Variants in TNKS observed in about 807,000 individuals in gnomAD.
TNKS encodes the protein tankyrase, also known as poly [ADP-ribose] polymerase tankyrase-1.
In TNKS, 72 loss-of-function variants were observed where a neutral mutation model predicts 135.8. That is an observed-to-expected ratio of 0.53 (90% CI 0.44 to 0.64). TNKS has a LOEUF of 0.64. Ranked by LOEUF, TNKS falls within the 30% of genes least tolerant of loss-of-function variation. The probability of loss-of-function intolerance (pLI) is 0.00; values close to 1 mark genes in which losing one functional copy is unlikely to be tolerated. For synonymous variants in TNKS, 849 were observed against 649.3 expected (o/e 1.31, Z -4.68); for missense variants, 1,769 against 1,674.0 (o/e 1.06, Z -0.99).
chr8:9,675,177 C>T (rs1417148628), intron 3 of TNKS, among the ~76,000 whole-genome samples: 1 of 152,120 alleles, frequency 6.6e-6, no homozygotes, highest in Non-Finnish European at 1.5e-5. Flanking sequence ...CTTCCACAGC[C>T]ACATAGCTGG....
intron 3 of TNKS, among the ~76,000 whole-genome samples, chr8:9,652,266 C>A (rs549327806): frequency 3.9e-5 from 6 of 152,222 alleles, no homozygotes; most frequent in African/African-American, 1.2e-4. Flanking sequence ...ATATTTACTC[C>A]TGGTAAGGTT....
rs572314335 is a variant in TNKS at position 9,704,665 on chromosome 8, G to C, written c.1110G>C (p.Ser370=). The change falls in exon 6 of 27, where the codon TCG becomes TCC. Residue 370 remains serine (S), a splice_region_variant and synonymous_variant. Transcript: ENST00000310430. The part of the protein sequence containing the change: ...VNCHASDGRK[S]TPLHLAAGYN... Reference sequence around the variant, plus strand: ...AAGGGGATGTTTTTCTTTTCTAGTCGACTCCTTTACATCTAGCAGCGGGCT... The same window carrying C: ...AAGGGGATGTTTTTCTTTTCTAGTCCACTCCTTTACATCTAGCAGCGGGCT... The C allele has an allele frequency of 8.7e-6, 14 of 1,610,916 alleles. No homozygotes were observed. The highest frequency in any genetic ancestry group is 1.0e-5 in the Non-Finnish European group (12 of 1,178,080).
intron 2 of TNKS, among the ~76,000 whole-genome samples, chr8:9,599,612 G>T (rs903988698): frequency 6.6e-6 from 1 of 152,128 alleles, no homozygotes; most frequent in African/African-American, 2.4e-5. Context: ...TCCAGTATCT[G>T]CCTTATCTTG....
chr8:9,733,130 A>G (rs1429260998), intron 14 of TNKS, 149 bp from the exon 15 acceptor site: 2 of 555,408 alleles, frequency 3.6e-6, no homozygotes, highest in Non-Finnish European at 5.8e-6. Flanking sequence ...ATGGATAACT[A>G]TATCTTAAAG....
At chr8:9,647,736 A>T (rs934604596) in intron 3 of TNKS, among the ~76,000 whole-genome samples, 4 of 152,178 alleles carry the variant, frequency 2.6e-5, no homozygotes, top group African/African-American at 9.7e-5. Flanking sequence ...ATTTCTGGGA[A>T]TGCTCTGCGT....
chr8:9,661,626 A>G (rs1801716105), intron 3 of TNKS, among the ~76,000 whole-genome samples: 1 of 152,224 alleles, frequency 6.6e-6, no homozygotes, highest in South Asian at 2.1e-4. Context: ...AAAACCATAA[A>G]AACCCTAGAA....
At chr8:9,710,447 C>A in intron 11 of TNKS, 1 of 586,150 alleles carries the variant, frequency 1.7e-6, no homozygotes, top group Non-Finnish European at 3.0e-6. Context: ...TGTAAAGCAA[C>A]AAAATATAGC....
At position 9,556,584 on chromosome 8, in the gene TNKS, G is replaced by C; in HGVS notation, c.645G>C (p.Arg215=). Residue 215 remains arginine (R), a synonymous_variant, in exon 1 of 27, where the codon CGG becomes CGC. Coordinates refer to ENST00000310430, the MANE Select transcript of TNKS (RefSeq NM_003747.3). ...TAAATGCAAAGGACATGGCCGGCCG[G>C]AAGTCTTCTCCCCTGCACTTCGCTG... ...ANVNAKDMAG[R]KSSPLHFAAG... 6.2e-7 allele frequency: 1 copy of C among 1,613,840 alleles called. No individual in the cohort carries two copies. The highest frequency in any genetic ancestry group is 8.5e-7 in the Non-Finnish European group (1 of 1,180,034).
At chr8:9,693,414 A>T (rs1394966104) in intron 5 of TNKS, among the ~76,000 whole-genome samples, 2 of 152,228 alleles carry the variant, frequency 1.3e-5, no homozygotes, top group Non-Finnish European at 2.9e-5. Context: ...ATCATTGTGC[A>T]ACTGTAAATA....
chr8:9,587,346 T>C (rs994486729), intron 2 of TNKS, among the ~76,000 whole-genome samples: 5 of 151,062 alleles, frequency 3.3e-5, no homozygotes, highest in Non-Finnish European at 5.9e-5. Flanking sequence ...GGCAAGGAAG[T>C]AGGTTTTCAT....
At chr8:9,703,477 C>G (rs1185242239) in intron 5 of TNKS, among the ~76,000 whole-genome samples, 1 of 152,196 alleles carries the variant, frequency 6.6e-6, no homozygotes, top group Non-Finnish European at 1.5e-5. Context: ...ATGACTTCCA[C>G]TGGGTTGCAT....
At chr8:9,611,847 G>A (rs920015976) in intron 2 of TNKS, among the ~76,000 whole-genome samples, 7 of 152,178 alleles carry the variant, frequency 4.6e-5, no homozygotes, top group African/African-American at 1.7e-4. Flanking sequence ...AACCTTCAGT[G>A]CTCCTGGTCT....
chr8:9,725,873 T>G (rs1805135888), intron 12 of TNKS, among the ~76,000 whole-genome samples: 1 of 152,250 alleles, frequency 6.6e-6, no homozygotes, highest in African/African-American at 2.4e-5. Context: ...TTAATCAAAA[T>G]AATAACTCAT....
chr8:9,718,259 C>A lies in TNKS; in HGVS notation c.1750-2115C>A, dbSNP rs184067135. Among the ~76,000 whole-genome samples the A allele has an allele frequency of 1.1e-4, 16 of 152,148 alleles. No individual in the cohort carries two copies. In the East Asian group the frequency reaches 1.5e-3, roughly 15 times the overall value. On this transcript the variant is annotated intron_variant, in intron 11 of 26. Transcript: ENST00000310430. ...TAAAGAGTACAGACTGTTTTCAACT[C>A]TCGGCTTACTTGAAATCAGCTTTTA...
At chr8:9,583,884 G>A (rs769540956) in intron 2 of TNKS, among the ~76,000 whole-genome samples, 6 of 151,086 alleles carry the variant, frequency 4.0e-5, no homozygotes. Flanking sequence ...TCTGGGAGTC[G>A]GAGGGTGCGG....
At chr8:9,583,419 T>C (rs1798246293) in intron 2 of TNKS, among the ~76,000 whole-genome samples, 1 of 152,184 alleles carries the variant, frequency 6.6e-6, no homozygotes, top group African/African-American at 2.4e-5. Flanking sequence ...TTATTTATCT[T>C]TGCTTCTCCC....
At chr8:9,772,385 C>G (rs1169840249) in intron 26 of TNKS, 1 of 455,390 alleles carries the variant, frequency 2.2e-6, no homozygotes, top group East Asian at 7.0e-5. Flanking sequence ...ACTCTAAAGG[C>G]ACGACATCTC....
rs1803298185 is a variant in TNKS at position 9,692,007 on chromosome 8, T to G, written c.1107+11207T>G. On this transcript the variant is annotated intron_variant, in intron 5 of 26. Coordinates refer to ENST00000310430, the MANE Select transcript of TNKS (RefSeq NM_003747.3). ...AAATTTGGTTGCATCCTACATGTCT[T>G]TTTTTTCTATCTTGTTCCTCCTGTC... Among the ~76,000 whole-genome samples, 3 of 152,160 alleles carry G rather than the reference T, an allele frequency of 2.0e-5. No individual in the cohort carries two copies. The South Asian group carries it at 6.2e-4, about 32-fold the overall frequency.
At chr8:9,637,309 T>A (rs1203299824) in intron 3 of TNKS, among the ~76,000 whole-genome samples, 1 of 152,224 alleles carries the variant, frequency 6.6e-6, no homozygotes, top group African/African-American at 2.4e-5. Context: ...CGATACAGAC[T>A]GGTTCTGTGT....
Sources: gnomAD v4.1 joint callset for allele counts (sites outside exome capture counted in the v4.1 genomes callset) on GRCh38, gnomAD v4.1.1 for gene constraint, MANE v1.5 for transcripts, NCBI Gene and HGNC (gene_info 2026-07-23, HGNC 2026-07-21) for gene names.